TSPAN9: variants seen among roughly 807,000 people sequenced by gnomAD.
TSPAN9 encodes the protein tetraspanin 9.
A neutral mutation model predicts 31.0 loss-of-function variants in TSPAN9; 16 were observed. That is an observed-to-expected ratio of 0.52 (90% CI 0.35 to 0.78). TSPAN9 has a LOEUF of 0.78. TSPAN9 is among the 30% of genes least tolerant of loss of function. The pLI is 0.01. For synonymous variants in TSPAN9, 145 were observed against 121.6 expected (o/e 1.19, Z -1.27); for missense variants, 272 against 312.5 (o/e 0.87, Z 0.98).
intron 2 of TSPAN9, among the ~76,000 whole-genome samples, chr12:3,151,798 C>T (rs1001311639): frequency 6.6e-6 from 1 of 152,082 alleles, no homozygotes; most frequent in Non-Finnish European, 1.5e-5. Flanking sequence ...TGGTGTGCGC[C>T]TGTACTCCCA....
intron 3 of TSPAN9, among the ~76,000 whole-genome samples, chr12:3,207,208 G>A (rs769342018): frequency 5.9e-5 from 9 of 152,044 alleles, no homozygotes; most frequent in South Asian, 4.2e-4. Flanking sequence ...AGAGACCACC[G>A]TGACAGGTCT....
intron 3 of TSPAN9, among the ~76,000 whole-genome samples, chr12:3,207,682 C>T (rs949313429): frequency 1.3e-5 from 2 of 152,154 alleles, no homozygotes; most frequent in Non-Finnish European, 2.9e-5. Flanking sequence ...ACTGGAGAAG[C>T]CCTTGGGCAG....
At chr12:3,101,187 G>A (rs2098311695) in intron 2 of TSPAN9, among the ~76,000 whole-genome samples, 1 of 152,124 alleles carries the variant, frequency 6.6e-6, no homozygotes, top group African/African-American at 2.4e-5. Context: ...TATTGGAGGG[G>A]GGCATAATAA....
Position 3,280,564 on chromosome 12 carries a change from C to G in TSPAN9, c.432+81C>G. On this transcript the variant is annotated intron_variant, in intron 6 of 8. Transcript: ENST00000011898. The surrounding 1 kb of genome is among the most constrained non-coding windows in gnomAD (Gnocchi z 4.5). ...ACTTCTAGCTGCCTTCCCCGGTGAC[C>G]TGGCCGGGCACCTGTGCTTTCTGGA... is the stretch of plus-strand genomic sequence containing the variant. 7.6e-7 allele frequency: 1 copy of G among 1,317,568 alleles called. No individual in the cohort carries two copies. The highest frequency in any genetic ancestry group is 1.2e-5 in the South Asian group (1 of 80,088). The allele number at this position is 1,317,568 out of a possible 1,614,324, so 81.6% of individuals were successfully genotyped here. A position where few individuals can be genotyped will look rare whatever the true frequency, so the allele number is the denominator to read the frequency against.
rs1359119354 is a variant in TSPAN9 at position 3,240,452 on chromosome 12, A to G, written c.64-37969A>G. On this transcript the variant is annotated intron_variant, in intron 3 of 8. Coordinates refer to ENST00000011898, the MANE Select transcript of TSPAN9 (RefSeq NM_006675.5). ...TGGGACATTGCACTGGGTACTTCAC[A>G]CACTTCAGGTACTCATTCCTCAGCA... 2.6e-5 allele frequency among the ~76,000 whole-genome samples: 4 copies of G among 152,158 alleles called. No homozygotes were observed. In the East Asian group the frequency reaches 7.7e-4, roughly 29 times the overall value.
intron 3 of TSPAN9, among the ~76,000 whole-genome samples, chr12:3,257,303 G>A (rs1156729253): frequency 6.6e-6 from 1 of 151,890 alleles, no homozygotes; most frequent in Admixed American, 6.6e-5. Flanking sequence ...CGTGCACCTT[G>A]GGGTTTCAAC....
At chr12:3,151,640 G>T (rs1034042174) in intron 2 of TSPAN9, among the ~76,000 whole-genome samples, 1 of 152,194 alleles carries the variant, frequency 6.6e-6, no homozygotes, top group Non-Finnish European at 1.5e-5. Flanking sequence ...TGCTTGGTGG[G>T]ACATGGCGCC....
At chr12:3,186,877 G>T (rs546774617) in intron 2 of TSPAN9, among the ~76,000 whole-genome samples, 1 of 152,276 alleles carries the variant, frequency 6.6e-6, no homozygotes, top group East Asian at 1.9e-4. Flanking sequence ...TCTGCCTGGA[G>T]TTTCTTTTGG....
chr12:3,112,083 C>G (rs923206853), intron 2 of TSPAN9, among the ~76,000 whole-genome samples: 4 of 150,574 alleles, frequency 2.7e-5, no homozygotes, highest in African/African-American at 9.8e-5. Flanking sequence ...GGAATTTATC[C>G]GTTTCTTCTA....
intron 3 of TSPAN9, among the ~76,000 whole-genome samples, chr12:3,225,484 G>A (rs1294427530): frequency 6.6e-6 from 1 of 152,150 alleles, no homozygotes; most frequent in African/African-American, 2.4e-5. Flanking sequence ...ACAGCTTCTG[G>A]GCAGAACAGG....
chr12:3,198,596 G>C (rs1591671945), intron 2 of TSPAN9, among the ~76,000 whole-genome samples: 3 of 53,600 alleles, frequency 5.6e-5, no homozygotes, highest in South Asian at 5.9e-4. Context: ...ACCAGCACAG[G>C]TCACACCAGC....
chr12:3,079,789 T>C (rs1426552037), intron 1 of TSPAN9, among the ~76,000 whole-genome samples: 27 of 149,854 alleles, frequency 1.8e-4, no homozygotes, highest in Non-Finnish European at 3.7e-4. Context: ...TTTTTTTTTT[T>C]AGAGACAGGG....
chr12:3,167,714 C>T (rs890245026), intron 2 of TSPAN9, among the ~76,000 whole-genome samples: 6 of 152,156 alleles, frequency 3.9e-5, no homozygotes, highest in Admixed American at 2.0e-4. Context: ...CATGGTCTCC[C>T]GCTTGGGATC....
At chr12:3,217,844 C>T (rs970906841) in intron 3 of TSPAN9, among the ~76,000 whole-genome samples, 1 of 152,070 alleles carries the variant, frequency 6.6e-6, no homozygotes, top group Non-Finnish European at 1.5e-5. Context: ...GCTTGCTTCT[C>T]GGTGTCACCA....
At chr12:3,205,390 C>T (rs1302575127) in intron 3 of TSPAN9, among the ~76,000 whole-genome samples, 1 of 152,220 alleles carries the variant, frequency 6.6e-6, no homozygotes, top group African/African-American at 2.4e-5. Flanking sequence ...ATTAAACTCC[C>T]TTAAGTGAGG....
At chr12:3,082,957 A>G (rs552922518) in intron 1 of TSPAN9, among the ~76,000 whole-genome samples, 9 of 152,318 alleles carry the variant, frequency 5.9e-5, no homozygotes, top group Middle Eastern at 6.8e-3. Flanking sequence ...TGAAGCTTGC[A>G]CTTTCTGGCA....
chr12:3,208,979 G>A (rs2098376800), intron 3 of TSPAN9, among the ~76,000 whole-genome samples: 1 of 152,222 alleles, frequency 6.6e-6, no homozygotes, highest in Non-Finnish European at 1.5e-5. Flanking sequence ...GCTCATGCCT[G>A]TAATCCTAGC....
chr12:3,278,672 T>A, intron 4 of TSPAN9, 60 bp downstream of exon 4: 1 of 1,573,386 alleles, frequency 6.4e-7, no homozygotes, highest in Non-Finnish European at 8.6e-7. Flanking sequence ...CTTGGACCCC[T>A]GGGACAGGCA....
At chr12:3,253,624 G>A (rs947305584) in intron 3 of TSPAN9, among the ~76,000 whole-genome samples, 5 of 152,226 alleles carry the variant, frequency 3.3e-5, no homozygotes, top group Admixed American at 1.3e-4. Context: ...ACAGGCCAGC[G>A]ATCAGCCCAG....
Sources: allele counts gnomAD v4.1 joint callset (sites outside exome capture counted in the v4.1 genomes callset), GRCh38; gene constraint gnomAD v4.1.1; non-coding constraint Gnocchi (gnomAD v3.1); transcripts MANE v1.5; gene names NCBI Gene and HGNC (gene_info 2026-07-23, HGNC 2026-07-21).